SFSWAP: variants seen among roughly 807,000 people sequenced by gnomAD.
The protein encoded by SFSWAP is splicing factor, suppressor of white-apricot homolog.
A neutral mutation model predicts 100.7 loss-of-function variants in SFSWAP; 17 were observed. That is an observed-to-expected ratio of 0.17 (90% CI 0.12 to 0.25). The LOEUF (loss-of-function observed/expected upper bound fraction) is 0.25. Ranked by LOEUF, SFSWAP falls within the 10% of genes least tolerant of loss-of-function variation. SFSWAP has a pLI of 1.00. For synonymous variants in SFSWAP, 504 were observed against 510.1 expected (o/e 0.99, Z 0.16); for missense variants, 1,005 against 1,262.6 (o/e 0.80, Z 3.09).
chr12:131,711,380 G>A lies in SFSWAP; in HGVS notation c.151G>A (p.Ala51Thr). 1 of 1,613,960 alleles carries A rather than the reference G, an allele frequency of 6.2e-7. No individual in the cohort carries two copies. Among genetic ancestry groups the A allele is most frequent in the Non-Finnish European group, 8.5e-7 (1 of 1,180,040 alleles). ...CAAGCTGTTCCGGGACGACGAGCGG[G>A]CCCTGGCTCAGGAACAGGGACAGCA... ...ACKLFRDDER[A>T]LAQEQGQHLI... The change falls in exon 1 of 18, where the codon GCC becomes ACC. Residue 51 changes from alanine (A) to threonine (T), a missense_variant. By Grantham distance (58) the Ala-to-Thr change is moderately conservative (BLOSUM62 0). Around this residue, in one of 7 missense-constraint regions of SFSWAP, gnomAD observed 237 missense variants for 337.0 expected, o/e 0.70. Coordinates refer to ENST00000261674, the MANE Select transcript of SFSWAP (RefSeq NM_004592.4). The surrounding 1 kb of genome is among the most constrained non-coding windows in gnomAD (Gnocchi z 4.9).
chr12:131,795,452 C>A (rs751189845), intron 15 of SFSWAP, among the ~76,000 whole-genome samples: 21 of 152,184 alleles, frequency 1.4e-4, no homozygotes, highest in Non-Finnish European at 2.5e-4. Flanking sequence ...CCCTGGCTAC[C>A]GCAGCTCTGT....
At chr12:131,744,238 A>T (rs574686144) in intron 7 of SFSWAP, among the ~76,000 whole-genome samples, 101 of 152,310 alleles carry the variant, frequency 6.6e-4, no homozygotes, top group African/African-American at 2.4e-3. Flanking sequence ...AGAAAATGAG[A>T]TATTCTTTTC....
intron 7 of SFSWAP, among the ~76,000 whole-genome samples, chr12:131,742,322 A>G (rs1389910712): frequency 1.3e-5 from 2 of 152,212 alleles, no homozygotes; most frequent in Non-Finnish European, 2.9e-5. Context: ...TTTTTATGTA[A>G]GAAGTCTTCA....
At chr12:131,735,129 G>T (rs377423573) in intron 7 of SFSWAP, among the ~76,000 whole-genome samples, 1 of 152,220 alleles carries the variant, frequency 6.6e-6, no homozygotes, top group Admixed American at 6.5e-5. Flanking sequence ...AAGTATCTGG[G>T]TCTGGGGGAC....
Position 131,714,220 on chromosome 12 carries a change from T to C in SFSWAP, c.368T>C (p.Leu123Pro), listed in dbSNP as rs1238665564. The C allele has an allele frequency of 6.2e-7, 1 of 1,613,400 alleles. No homozygotes were observed. Among genetic ancestry groups the C allele is most frequent in the South Asian group, 1.1e-5 (1 of 90,978 alleles). ...ERYLALHTDLLEEEARQEEEY... is the reference protein window; with the variant it reads ...ERYLALHTDLPEEEARQEEEY... ...TATTTAGCCTTGCATACGGACTTGC[T>C]TGAGGAGGAGGCAAGGCAAGGTACT... The change falls in exon 2 of 18, where the codon CTT becomes CCT. Residue 123 changes from leucine (L) to proline (P), a missense_variant. By Grantham distance (98) the Leu-to-Pro change is moderately conservative (BLOSUM62 -3). Transcript: ENST00000261674. The surrounding 1 kb of genome is among the most constrained non-coding windows in gnomAD (Gnocchi z 6.0).
At chr12:131,797,426 C>T (rs993838303) in intron 16 of SFSWAP, 66 bp downstream of exon 16, 19 of 1,393,712 alleles carry the variant, frequency 1.4e-5, no homozygotes, top group East Asian at 7.2e-5. Context: ...GACTCTCCCT[C>T]CTCCCTGAGT....
Position 131,714,255 on chromosome 12 carries a change from A to G in SFSWAP, c.388+15A>G, listed in dbSNP as rs747424883. The G allele has an allele frequency of 6.3e-7, 1 of 1,578,824 alleles. No individual in the cohort carries two copies. Among genetic ancestry groups the G allele is most frequent in the Non-Finnish European group, 8.6e-7 (1 of 1,162,362 alleles). The stretch of plus-strand genomic sequence containing the variant: ...GGCAAGGCAAGGTACTGCTCAAGAC[A>G]AACTTACTTCAGCAACAAACTTTTT... On this transcript the variant is annotated intron_variant, in intron 2 of 17. Coordinates refer to ENST00000261674, the MANE Select transcript of SFSWAP (RefSeq NM_004592.4). This position sits in a 1 kb window ranked among gnomAD's most constrained non-coding sequence, Gnocchi z 6.0.
rs1456936495 is a variant in SFSWAP at position 131,794,744 on chromosome 12, G to C, written c.2535-2434G>C. Among the ~76,000 whole-genome samples, 1 of 152,186 alleles carries C rather than the reference G, an allele frequency of 6.6e-6. No individual in the cohort carries two copies. The highest frequency in any genetic ancestry group is 2.4e-5 in the African/African-American group (1 of 41,448). On this transcript the variant is annotated intron_variant, in intron 15 of 17. Coordinates refer to ENST00000261674, the MANE Select transcript of SFSWAP (RefSeq NM_004592.4). The surrounding 1 kb of genome is among the most constrained non-coding windows in gnomAD (Gnocchi z 4.8). The stretch of plus-strand genomic sequence containing the variant: ...TGCGTGGATAAGGCCCAGGTGTCAG[G>C]GTGTGCGCACTTGCCAAGCTCAGCG...
Position 131,714,215 on chromosome 12 carries a change from C to G in SFSWAP, c.363C>G (p.Asp121Glu), listed in dbSNP as rs1877673762. 7 of 1,613,412 alleles carry G rather than the reference C, an allele frequency of 4.3e-6. No individual in the cohort carries two copies. Among genetic ancestry groups the G allele is most frequent in the Non-Finnish European group, 5.9e-6 (7 of 1,179,620 alleles). ...AGAGGTATTTAGCCTTGCATACGGA[C>G]TTGCTTGAGGAGGAGGCAAGGCAAG... Reference protein sequence around the residue: ...DEERYLALHTDLLEEEARQEE... With the variant: ...DEERYLALHTELLEEEARQEE... Residue 121 changes from aspartate to glutamate, a missense_variant, in exon 2 of 18, where the codon GAC (aspartate) becomes GAG (glutamate). Physicochemically the swap from Asp to Glu is conservative, Grantham distance 45. Coordinates refer to ENST00000261674, the MANE Select transcript of SFSWAP (RefSeq NM_004592.4). This position sits in a 1 kb window ranked among gnomAD's most constrained non-coding sequence, Gnocchi z 6.0.
intron 13 of SFSWAP, among the ~76,000 whole-genome samples, chr12:131,771,693 C>G (rs947313713): frequency 7.6e-6 from 1 of 131,652 alleles, no homozygotes; most frequent in Non-Finnish European, 1.5e-5. Flanking sequence ...CTCGCTCTGT[C>G]TCCAGGCTGG....
chr12:131,757,920 G>A (rs1257255505), intron 11 of SFSWAP: 2 of 152,320 alleles, frequency 1.3e-5, no homozygotes, highest in Non-Finnish European at 2.9e-5. Context: ...GAGAGGTACT[G>A]TCTATAGGTC....
At chr12:131,723,926 T>C (rs1258670044) in intron 4 of SFSWAP, among the ~76,000 whole-genome samples, 1 of 152,246 alleles carries the variant, frequency 6.6e-6, no homozygotes, top group East Asian at 1.9e-4. Context: ...TTGTAACATA[T>C]GCATATTTAT....
chr12:131,769,195 C>T (rs61942908), intron 13 of SFSWAP, among the ~76,000 whole-genome samples: 4 of 151,864 alleles, frequency 2.6e-5, no homozygotes, highest in Non-Finnish European at 4.4e-5. Context: ...ATCATGAGGA[C>T]GCTTGTAGCC....
chr12:131,745,619 C>G (rs1218928358), intron 7 of SFSWAP, among the ~76,000 whole-genome samples: 2 of 152,200 alleles, frequency 1.3e-5, no homozygotes, highest in African/African-American at 4.8e-5. Context: ...CAGGTCTTCA[C>G]TGTGAATAAG....
At chr12:131,772,680 T>G (rs1475949407) in intron 13 of SFSWAP, among the ~76,000 whole-genome samples, 1 of 151,978 alleles carries the variant, frequency 6.6e-6, no homozygotes, top group Admixed American at 6.6e-5. Flanking sequence ...CATCTGGGAG[T>G]GGGTGTCTGT....
intron 7 of SFSWAP, among the ~76,000 whole-genome samples, chr12:131,752,757 G>C (rs184306843): frequency 1.3e-5 from 2 of 152,346 alleles, no homozygotes; most frequent in East Asian, 3.9e-4. Context: ...TGGCCTTCGT[G>C]GGCCGTGTGA....
At chr12:131,747,912 A>G (rs954413123) in intron 7 of SFSWAP, among the ~76,000 whole-genome samples, 7 of 152,218 alleles carry the variant, frequency 4.6e-5, no homozygotes, top group Non-Finnish European at 8.8e-5. Flanking sequence ...ATAGAATTCA[A>G]AGCCACTGAA....
chr12:131,713,092 A>G (rs1877537953), intron 1 of SFSWAP: 1 of 152,252 alleles, frequency 6.6e-6, no homozygotes, highest in South Asian at 2.1e-4. Flanking sequence ...CTACATTAAT[A>G]TTTTTGGTTC....
chr12:131,787,223 AC>A (rs1884958701), intron 15 of SFSWAP, among the ~76,000 whole-genome samples: 1 of 152,090 alleles, frequency 6.6e-6, no homozygotes. Context: ...CCACGGGCTC[AC>A]CCCTCACTCA....
Sources: allele counts gnomAD v4.1 joint callset (sites outside exome capture counted in the v4.1 genomes callset), GRCh38; gene constraint gnomAD v4.1.1; regional missense constraint gnomAD v4.1.1; non-coding constraint Gnocchi (gnomAD v3.1); transcripts MANE v1.5; gene names NCBI Gene and HGNC (gene_info 2026-07-23, HGNC 2026-07-21).